The following TBCK variants were observed in gnomAD, a reference collection of about 807,000 sequenced individuals.
TBCK encodes the protein TBC domain-containing protein kinase-like protein.
Under a neutral mutation model 113.4 loss-of-function variants are expected in TBCK, and 99 were observed. That is an observed-to-expected ratio of 0.87 (90% confidence interval 0.74 to 1.03). TBCK has a LOEUF of 1.03. Ranked by LOEUF, TBCK falls within the 50% of genes least tolerant of loss-of-function variation. TBCK has a pLI of 0.00. For synonymous variants in TBCK, 369 were observed against 370.8 expected, an observed-to-expected ratio of 1.00 and a Z score of 0.05; for missense variants, 1,045 against 1,061.3, an observed-to-expected ratio of 0.98 and a Z score of 0.21.
chr4:106,197,403 G>GTATATATATATA (rs1482373580), intron 20 of TBCK, among the ~76,000 whole-genome samples: 2 of 110,924 alleles, frequency 1.8e-5, no homozygotes, highest in African/African-American at 5.8e-5. Flanking sequence ...GTGTGTGTGT[G>GTATATATATATA]TGTGTGTGTA....
intron 22 of TBCK, among the ~76,000 whole-genome samples, chr4:106,186,439 G>C (rs1753036478): frequency 3.9e-5 from 6 of 152,110 alleles, no homozygotes; most frequent in Admixed American, 3.9e-4. Flanking sequence ...ACTGGTATTA[G>C]ATAGTATCTC....
At position 106,171,201 on chromosome 4, in the gene TBCK, TA is replaced by T; in HGVS notation, c.2128del (p.Tyr710ThrfsTer43). ...CTTTGGAGGTTGAGCATGCTGTCTG[TA>T]AGTAGCACTTTTAGGAGTCCAACAA... ...LFCWTPKSAT[Y>X]RQHAQPPKPS... On this transcript the variant is annotated frameshift_variant, in exon 23 of 26. Coordinates refer to ENST00000394708, the MANE Select transcript of TBCK (RefSeq NM_001163435.3). LOFTEE classifies it high-confidence loss of function. 1 of 1,612,840 alleles carries T rather than the reference TA, an allele frequency of 6.2e-7. No homozygotes were observed. Among genetic ancestry groups the T allele is most frequent in the East Asian group, 2.2e-5 (1 of 44,816 alleles).
intron 25 of TBCK, among the ~76,000 whole-genome samples, chr4:106,066,381 T>C (rs1736637958): frequency 6.6e-6 from 1 of 151,972 alleles, no homozygotes; most frequent in Non-Finnish European, 1.5e-5. Flanking sequence ...CTTCAGAGGT[T>C]AAAAAAGACC....
chr4:106,110,054 C>A (rs1056319541), intron 24 of TBCK, among the ~76,000 whole-genome samples: 36 of 152,194 alleles, frequency 2.4e-4, no homozygotes, highest in African/African-American at 8.2e-4. Flanking sequence ...GGCCTTTAAT[C>A]ATCCACGTGC....
chr4:106,236,556 G>C, intron 13 of TBCK, 37 bp from the exon 14 acceptor site: 1 of 1,352,170 alleles, frequency 7.4e-7, no homozygotes, highest in South Asian at 1.9e-5. Flanking sequence ...AAAAAAAAAT[G>C]GACAAAAGGT....
At chr4:106,290,247 G>A (rs989691969) in intron 3 of TBCK, among the ~76,000 whole-genome samples, 9 of 152,020 alleles carry the variant, frequency 5.9e-5, no homozygotes, top group Non-Finnish European at 1.3e-4. Flanking sequence ...GCGTGATCTC[G>A]GCTCACTGCA....
chr4:106,059,227 C>T (rs1234181121), intron 25 of TBCK, among the ~76,000 whole-genome samples: 2 of 151,532 alleles, frequency 1.3e-5, no homozygotes, highest in East Asian at 3.9e-4. Flanking sequence ...TTAAACAGTA[C>T]ACTTAGAGGG....
intron 19 of TBCK, among the ~76,000 whole-genome samples, chr4:106,222,840 C>G (rs1274791724): frequency 1.3e-5 from 2 of 151,956 alleles, no homozygotes; most frequent in Non-Finnish European, 2.9e-5. Context: ...GCACAAAAAA[C>G]AAGCACCAAC....
At chr4:106,314,004 G>A (rs935861889) in intron 1 of TBCK, among the ~76,000 whole-genome samples, 3 of 151,930 alleles carry the variant, frequency 2.0e-5, no homozygotes, top group African/African-American at 7.3e-5. Context: ...AAAACTCTGG[G>A]GAAAAAAACA....
At chr4:106,272,986 TA>T (rs1187866145) in intron 3 of TBCK, among the ~76,000 whole-genome samples, 1 of 152,124 alleles carries the variant, frequency 6.6e-6, no homozygotes, top group African/African-American at 2.4e-5. Flanking sequence ...CTACCTACAG[TA>T]ACAGTTAAAA....
intron 3 of TBCK, among the ~76,000 whole-genome samples, chr4:106,284,021 A>T (rs1172804431): frequency 6.6e-6 from 1 of 152,182 alleles, no homozygotes; most frequent in African/African-American, 2.4e-5. Context: ...AAGGTACAAG[A>T]GAGGCAGAAA....
chr4:106,207,309 T>C (rs911384961), intron 20 of TBCK, among the ~76,000 whole-genome samples: 2 of 152,148 alleles, frequency 1.3e-5, no homozygotes, highest in African/African-American at 4.8e-5. Context: ...TCACAATCTC[T>C]ACTGCAATGG....
chr4:106,077,195 CA>C (rs1738300039), intron 25 of TBCK, among the ~76,000 whole-genome samples: 1 of 152,124 alleles, frequency 6.6e-6, no homozygotes, highest in African/African-American at 2.4e-5. Context: ...AATGAAAGAG[CA>C]ATATTTGTCA....
intron 22 of TBCK, among the ~76,000 whole-genome samples, chr4:106,186,654 C>G (rs1753059493): frequency 6.6e-6 from 1 of 152,072 alleles, no homozygotes; most frequent in South Asian, 2.1e-4. Context: ...AAATAGTCTG[C>G]AAATATTTTC....
intron 3 of TBCK, among the ~76,000 whole-genome samples, chr4:106,273,132 T>C (rs1763676875): frequency 6.6e-6 from 1 of 152,198 alleles, no homozygotes. Flanking sequence ...TGGGTCTGGA[T>C]AAATGGATGA....
chr4:106,302,527 G>T (rs1353202135), intron 2 of TBCK, among the ~76,000 whole-genome samples: 2 of 152,132 alleles, frequency 1.3e-5, no homozygotes, highest in Non-Finnish European at 2.9e-5. Flanking sequence ...ATTGAGAAAA[G>T]GAGGCCTAGG....
At chr4:106,233,491 G>T in intron 16 of TBCK, 97 bp downstream of exon 16, 1 of 885,518 alleles carries the variant, frequency 1.1e-6, no homozygotes, top group Non-Finnish European at 1.8e-6. Context: ...CAGTGTCTCT[G>T]TATTCATGAG....
At chr4:106,209,434 A>G (rs1434529189) in intron 20 of TBCK, among the ~76,000 whole-genome samples, 1 of 152,114 alleles carries the variant, frequency 6.6e-6, no homozygotes, top group Non-Finnish European at 1.5e-5. Flanking sequence ...CTGAATTTCA[A>G]TCCTCTCTTT....
At chr4:106,207,078 A>C (rs185599063) in intron 20 of TBCK, among the ~76,000 whole-genome samples, 3 of 152,298 alleles carry the variant, frequency 2.0e-5, no homozygotes, top group East Asian at 3.9e-4. Flanking sequence ...TATATTTTTA[A>C]AAGCAGAAAC....
Sources: allele counts gnomAD v4.1 joint callset (sites outside exome capture counted in the v4.1 genomes callset), GRCh38; gene constraint gnomAD v4.1.1; transcripts MANE v1.5; gene names NCBI Gene and HGNC (gene_info 2026-07-23, HGNC 2026-07-21).